The following APBA2 variants were observed in gnomAD, a reference collection of about 807,000 sequenced individuals.
APBA2 encodes the protein amyloid-beta A4 precursor protein-binding family A member 2.
A neutral mutation model predicts 75.0 loss-of-function variants in APBA2; 30 were observed. The observed-to-expected ratio is 0.40, with a 90% CI of 0.30 to 0.54. The LOEUF (loss-of-function observed/expected upper bound fraction) is 0.54, where lower values mean the gene tolerates loss of function less well. Among genes scored for constraint, APBA2 ranks in the 20% least tolerant of loss-of-function variants. The pLI is 0.49. For missense variants in APBA2, 801 were observed against 1,016.1 expected, an observed-to-expected ratio of 0.79 and a Z score of 2.88; for synonymous variants, 444 against 409.6, an observed-to-expected ratio of 1.08 and a Z score of -1.01.
At chr15:29,107,881 CG>C (rs776160662) in intron 12 of APBA2, among the ~76,000 whole-genome samples, 17 of 152,188 alleles carry the variant, frequency 1.1e-4, no homozygotes, top group Non-Finnish European at 1.9e-4. Flanking sequence ...CACATCCTTC[CG>C]TAGGAAGCTG....
At chr15:28,999,201 A>G (rs539949739) in intron 3 of APBA2, among the ~76,000 whole-genome samples, 1 of 152,208 alleles carries the variant, frequency 6.6e-6, no homozygotes, top group African/African-American at 2.4e-5. Flanking sequence ...GTTAAAATAC[A>G]TAGAAGATTT....
At chr15:28,987,893 A>G (rs1229522579) in intron 2 of APBA2, among the ~76,000 whole-genome samples, 2 of 151,294 alleles carry the variant, frequency 1.3e-5, no homozygotes, top group African/African-American at 4.9e-5. Context: ...AGTAGCTGGA[A>G]TTTACAGGCA....
chr15:28,944,661 G>A (rs1454906650), intron 2 of APBA2, among the ~76,000 whole-genome samples: 3 of 152,236 alleles, frequency 2.0e-5, no homozygotes, highest in Non-Finnish European at 4.4e-5. Context: ...GAACCAAGGC[G>A]ATGTTGAGAA....
Position 29,020,417 on chromosome 15 carries a change from T to C in APBA2, c.-41+24611T>C, listed in dbSNP as rs1335591872. Among the ~76,000 whole-genome samples the C allele has an allele frequency of 2.6e-5, 4 of 152,286 alleles. 1 individual carries two copies. The highest frequency in any genetic ancestry group is 6.8e-3 in the Middle Eastern group (2 of 294). On this transcript the variant is annotated intron_variant, in intron 3 of 14. Transcript: ENST00000683413. ...CTTTTTCTTAGTATTATGAAACTTATTTCTTTTTTAAAAAACCAGTCTGTT... is the reference window on the plus strand; with the variant it reads ...CTTTTTCTTAGTATTATGAAACTTACTTCTTTTTTAAAAAACCAGTCTGTT...
rs2042368845 is a variant in APBA2 at position 29,066,079 on chromosome 15, T to C, written c.952-8842T>C. Among the ~76,000 whole-genome samples the C allele has an allele frequency of 2.6e-5, 4 of 152,240 alleles. No homozygotes were observed. In the South Asian group the frequency reaches 8.3e-4, roughly 32 times the overall value. Reference sequence around the variant, plus strand: ...GGCCCATGTGCTTGCAGGTGGCCTCTGATTCTGCTTCTGGAGACTGTCTGC... The same window carrying C: ...GGCCCATGTGCTTGCAGGTGGCCTCCGATTCTGCTTCTGGAGACTGTCTGC... On this transcript the variant is annotated intron_variant, in intron 4 of 14. Transcript: ENST00000683413.
At chr15:29,036,447 G>A (rs914051646) in intron 3 of APBA2, among the ~76,000 whole-genome samples, 1 of 152,084 alleles carries the variant, frequency 6.6e-6, no homozygotes, top group African/African-American at 2.4e-5. Flanking sequence ...AGCTAGGATG[G>A]GAGGCAGTGC....
At chr15:28,993,936 G>T (rs916933007) in intron 2 of APBA2, among the ~76,000 whole-genome samples, 2 of 152,178 alleles carry the variant, frequency 1.3e-5, no homozygotes, top group Non-Finnish European at 2.9e-5. Context: ...AGAGGACAGG[G>T]GCTGGCAGGC....
Position 28,944,620 on chromosome 15 carries a change from A to G in APBA2, c.-95+22871A>G, listed in dbSNP as rs372015083. The stretch of plus-strand genomic sequence containing the variant: ...GTGAGCAGGAGAACCTGTGCCTTTT[A>G]TAACCTGGTGTGCTGCTCGGCGTGC... On this transcript the variant is annotated intron_variant, in intron 2 of 14. Coordinates refer to ENST00000683413, the MANE Select transcript of APBA2 (RefSeq NM_001353788.2). Among the ~76,000 whole-genome samples, 307 of 152,346 alleles carry G rather than the reference A, an allele frequency of 2.0e-3. 2 individuals carry two copies. Among genetic ancestry groups the G allele is most frequent in the African/African-American group, 6.9e-3 (287 of 41,580 alleles).
intron 2 of APBA2, among the ~76,000 whole-genome samples, chr15:28,979,720 G>A (rs1452524096): frequency 6.6e-6 from 1 of 152,186 alleles, no homozygotes; most frequent in Non-Finnish European, 1.5e-5. Context: ...CAGCCAAGTT[G>A]GGGGTGAGAT....
At chr15:28,957,716 G>A (rs1040913725) in intron 2 of APBA2, among the ~76,000 whole-genome samples, 8 of 152,192 alleles carry the variant, frequency 5.3e-5, no homozygotes, top group Non-Finnish European at 8.8e-5. Context: ...TGGTGGGGAG[G>A]CGCGTGCCGA....
chr15:28,981,012 C>T (rs974664640), intron 2 of APBA2, among the ~76,000 whole-genome samples: 1 of 152,172 alleles, frequency 6.6e-6, no homozygotes, highest in Admixed American at 6.5e-5. Flanking sequence ...TGGATCCCTA[C>T]CTTTTACCAT....
At chr15:29,115,169 A>C (rs1368876890) in intron 14 of APBA2, among the ~76,000 whole-genome samples, 1 of 144,698 alleles carries the variant, frequency 6.9e-6, no homozygotes, top group Non-Finnish European at 1.5e-5. Flanking sequence ...TGGGGACAGC[A>C]GCAGCAGGCC....
At chr15:28,989,851 A>T (rs1327057971) in intron 2 of APBA2, among the ~76,000 whole-genome samples, 2 of 152,144 alleles carry the variant, frequency 1.3e-5, no homozygotes, top group Non-Finnish European at 2.9e-5. Context: ...TGCAGTGGGC[A>T]TCAGGGTCCA....
At chr15:28,930,676 G>A (rs1463042171) in intron 2 of APBA2, among the ~76,000 whole-genome samples, 1 of 152,150 alleles carries the variant, frequency 6.6e-6, no homozygotes, top group Non-Finnish European at 1.5e-5. Context: ...AGTGGGCTGG[G>A]TGGCACTTCT....
chr15:28,947,271 T>C (rs4779941), intron 2 of APBA2, among the ~76,000 whole-genome samples: 44,839 of 152,120 alleles, frequency 0.29, 10,759 homozygotes, highest in African/African-American at 0.64. Context: ...GGACCTGCAG[T>C]GGGCCTGTTG....
chr15:29,029,215 T>G (rs908504356), intron 3 of APBA2, among the ~76,000 whole-genome samples: 9 of 152,182 alleles, frequency 5.9e-5, no homozygotes, highest in African/African-American at 2.2e-4. Flanking sequence ...CAGTTTCAAT[T>G]TTTTGCATAT....
chr15:29,045,489 G>A (rs1021771858), intron 3 of APBA2, among the ~76,000 whole-genome samples: 2 of 151,994 alleles, frequency 1.3e-5, no homozygotes, highest in African/African-American at 4.8e-5. Context: ...TCACACTGGG[G>A]GTCAGGATTT....
At chr15:28,913,427 C>CT (rs1440241035) in intron 1 of APBA2, among the ~76,000 whole-genome samples, 2 of 152,208 alleles carry the variant, frequency 1.3e-5, no homozygotes, top group African/African-American at 2.4e-5. Flanking sequence ...GGCCACAGTA[C>CT]TACCTCCTGT....
At chr15:28,906,844 GT>G (rs201773878) in intron 1 of APBA2, among the ~76,000 whole-genome samples, 6 of 151,758 alleles carry the variant, frequency 4.0e-5, no homozygotes, top group Non-Finnish European at 7.4e-5. Context: ...ACTTGTGAAG[GT>G]TTTTTTTGTT....
Sources: gnomAD v4.1 joint callset for allele counts (sites outside exome capture counted in the v4.1 genomes callset) on GRCh38, gnomAD v4.1.1 for gene constraint, MANE v1.5 for transcripts, NCBI Gene and HGNC (gene_info 2026-07-23, HGNC 2026-07-21) for gene names.